TIAM1: variants seen among roughly 807,000 people sequenced by gnomAD.
TIAM1 encodes TIAM Rac1 associated GEF 1, also known as rho guanine nucleotide exchange factor TIAM1.
TIAM1 carries 65 observed loss-of-function variants against 163.5 expected under a neutral mutation model. That is an observed-to-expected ratio of 0.40 (90% CI 0.33 to 0.49). TIAM1 has a LOEUF of 0.49. Ranked by LOEUF, TIAM1 falls within the 20% of genes least tolerant of loss-of-function variation. TIAM1 has a pLI of 0.77. For synonymous variants in TIAM1, 833 were observed against 810.1 expected, an observed-to-expected ratio of 1.03 and a Z score of -0.48; for missense variants, 1,789 against 2,044.7, an observed-to-expected ratio of 0.87 and a Z score of 2.41.
intron 2 of TIAM1, among the ~76,000 whole-genome samples, chr21:31,419,774 A>G (rs1476909296): frequency 1.3e-5 from 2 of 152,190 alleles, no homozygotes; most frequent in Non-Finnish European, 2.9e-5. Flanking sequence ...TCCTAGACTG[A>G]GCGTGGTGGC....
intron 2 of TIAM1, among the ~76,000 whole-genome samples, chr21:31,407,760 A>G (rs1383838497): frequency 6.8e-6 from 1 of 147,148 alleles, no homozygotes; most frequent in East Asian, 2.0e-4. Flanking sequence ...CTCAGCCTCC[A>G]GAGTAGCTGA....
chr21:31,240,281 T>C (rs920670009), intron 6 of TIAM1, among the ~76,000 whole-genome samples: 2 of 152,164 alleles, frequency 1.3e-5, no homozygotes, highest in Non-Finnish European at 2.9e-5. Context: ...ACACGAACAG[T>C]GGTAAAAAAT....
At chr21:31,379,778 T>G (rs952894873) in intron 2 of TIAM1, among the ~76,000 whole-genome samples, 1 of 152,076 alleles carries the variant, frequency 6.6e-6, no homozygotes, top group Non-Finnish European at 1.5e-5. Flanking sequence ...CAAAAAAGAC[T>G]CCATACTGCA....
Position 31,118,623 on chromosome 21 carries a change from T to C in TIAM1, c.*1745A>G. On this transcript the variant is annotated 3_prime_UTR_variant, in exon 28 of 28. Transcript: ENST00000541036. ...GTGTTTTCAGATGGATGTGTTGCACTGGAGCCAGTAAATGCGACGATTAGA... is the reference window on the plus strand; with the variant it reads ...GTGTTTTCAGATGGATGTGTTGCACCGGAGCCAGTAAATGCGACGATTAGA... 1 of 471,292 alleles carries C rather than the reference T, an allele frequency of 2.1e-6. No homozygotes were observed. Among genetic ancestry groups the C allele is most frequent in the South Asian group, 1.5e-5 (1 of 64,562 alleles). 29.2% of individuals were successfully genotyped at this position (471,292 alleles called of 1,614,324 possible). A position where few individuals can be genotyped will look rare whatever the true frequency, so the allele number is the denominator to read the frequency against.
intron 2 of TIAM1, among the ~76,000 whole-genome samples, chr21:31,320,905 T>G (rs560450595): frequency 1.3e-5 from 2 of 151,990 alleles, no homozygotes; most frequent in South Asian, 4.2e-4. Flanking sequence ...GGCTGCAAAA[T>G]TGCTTGAACC....
intron 4 of TIAM1, among the ~76,000 whole-genome samples, chr21:31,258,659 G>A (rs1438946684): frequency 6.6e-6 from 1 of 151,962 alleles, no homozygotes; most frequent in Non-Finnish European, 1.5e-5. Context: ...GTGAAACCCC[G>A]TCTCTACTAA....
intron 2 of TIAM1, among the ~76,000 whole-genome samples, chr21:31,440,231 G>A (rs568055796): frequency 6.6e-6 from 1 of 152,314 alleles, no homozygotes; most frequent in African/African-American, 2.4e-5. Context: ...AGCAACTGAA[G>A]GTGTTAAGAA....
intron 12 of TIAM1, among the ~76,000 whole-genome samples, chr21:31,197,611 C>T (rs1465677003): frequency 4.0e-5 from 6 of 149,358 alleles, no homozygotes; most frequent in East Asian, 2.0e-4. Context: ...CCTCGTGATC[C>T]GCCCGCCTCA....
intron 10 of TIAM1, among the ~76,000 whole-genome samples, chr21:31,211,059 G>A (rs951346739): frequency 4.6e-5 from 7 of 152,122 alleles, no homozygotes; most frequent in African/African-American, 1.2e-4. Flanking sequence ...CGGCGCCAGA[G>A]ACAATTCAGT....
At chr21:31,192,524 T>A (rs921454641) in intron 13 of TIAM1, among the ~76,000 whole-genome samples, 6 of 151,736 alleles carry the variant, frequency 4.0e-5, no homozygotes, top group African/African-American at 1.5e-4. Context: ...AGCAGGAGAA[T>A]CACTTGAACC....
chr21:31,295,469 CAAAA>C (rs1215751004), intron 2 of TIAM1, among the ~76,000 whole-genome samples: 1 of 66,006 alleles, frequency 1.5e-5, no homozygotes, highest in Non-Finnish European at 3.0e-5. Flanking sequence ...GACTCCATCA[CAAAA>C]AAAAAAAAAA....
chr21:31,396,268 C>T (rs1272953795), intron 2 of TIAM1, among the ~76,000 whole-genome samples: 1 of 152,192 alleles, frequency 6.6e-6, no homozygotes, highest in Non-Finnish European at 1.5e-5. Flanking sequence ...GCTGTGACCT[C>T]GGCGCCTGCC....
At chr21:31,142,590 C>G (rs1170731572) in intron 20 of TIAM1, among the ~76,000 whole-genome samples, 2 of 143,124 alleles carry the variant, frequency 1.4e-5, no homozygotes, top group African/African-American at 5.2e-5. Context: ...GAGATCGTGC[C>G]ACTGCACTCC....
intron 11 of TIAM1, among the ~76,000 whole-genome samples, chr21:31,209,103 C>A (rs948154037): frequency 6.6e-6 from 1 of 152,132 alleles, no homozygotes; most frequent in African/African-American, 2.4e-5. Context: ...ATGCACCCAG[C>A]TGTAGAGAAG....
intron 2 of TIAM1, among the ~76,000 whole-genome samples, chr21:31,301,779 G>C (rs1234113750): frequency 1.3e-5 from 2 of 151,768 alleles, no homozygotes; most frequent in Admixed American, 1.3e-4. Flanking sequence ...GGCAGAGGTT[G>C]CAGTGAGCTG....
chr21:31,146,985 C>T lies in TIAM1; in HGVS notation c.3385G>A (p.Gly1129Arg), dbSNP rs1421061233. Residue 1129 changes from glycine to arginine, a missense_variant, in exon 20 of 28, where the codon GGG becomes AGG. This residue lies in a region of TIAM1 where 303 missense variants were observed against 321.3 expected (regional missense o/e 0.94). Transcript: ENST00000541036. ...DQFKKVLFSLGGSFLYYADRF... is the reference protein window; with the variant it reads ...DQFKKVLFSLRGSFLYYADRF... ...TCAGCATAATACAGGAATGATCCCC[C>T]CAGAGAGAACAGCACTTTCTGGATT... 1 of 1,613,840 alleles carries T rather than the reference C, an allele frequency of 6.2e-7. No individual in the cohort carries two copies.
Position 31,395,453 on chromosome 21 carries a change from A to T in TIAM1, c.-368-56031T>A, listed in dbSNP as rs2077049311. Among the ~76,000 whole-genome samples, 1 of 152,164 alleles carries T rather than the reference A, an allele frequency of 6.6e-6. No individual in the cohort carries two copies. The highest frequency in any genetic ancestry group is 1.5e-5 in the Non-Finnish European group (1 of 68,036). On this transcript the variant is annotated intron_variant, in intron 2 of 28. Coordinates refer to the TIAM1 transcript ENST00000286827. This position sits in a 1 kb window ranked among gnomAD's most constrained non-coding sequence, Gnocchi z 7.5. ...GCTTTCACACCAGAGCAGCAGGGAA[A>T]ATTGGACAAGAGGGGCCCTCGGAGA...
Position 31,182,476 on chromosome 21 carries a change from C to G in TIAM1, c.2832G>C (p.Val944=). ...VELLESPPHR[V]DGPADLGESP... is the part of the protein sequence containing the mutation. ...TCTCGCCAAGGTCGGCAGGGCCGTC[C>G]ACTCGGTGGGGCGGGCTTTCCAGCA... The change falls in exon 15 of 28, where the codon GTG becomes GTC. Residue 944 remains valine, a synonymous_variant. Transcript: ENST00000541036. 1.2e-6 allele frequency: 2 copies of G among 1,610,360 alleles called. No individual in the cohort carries two copies. Among genetic ancestry groups the G allele is most frequent in the Non-Finnish European group, 1.7e-6 (2 of 1,178,446 alleles).
At chr21:31,371,590 T>C (rs766962433) in intron 2 of TIAM1, among the ~76,000 whole-genome samples, 3 of 152,206 alleles carry the variant, frequency 2.0e-5, no homozygotes. Flanking sequence ...AACGTTTCTC[T>C]AGAAAAAGAT....
Sources: gnomAD v4.1 joint callset for allele counts (sites outside exome capture counted in the v4.1 genomes callset) on GRCh38, gnomAD v4.1.1 for gene constraint, gnomAD v4.1.1 regional missense constraint, Gnocchi (gnomAD v3.1) non-coding constraint, MANE v1.5 for transcripts, NCBI Gene and HGNC (gene_info 2026-07-23, HGNC 2026-07-21) for gene names.